NCOA1: variants seen among roughly 807,000 people sequenced by gnomAD.
NCOA1 encodes Hin-2 protein.
NCOA1 carries 35 observed loss-of-function variants against 150.9 expected under a neutral mutation model. That is an observed-to-expected ratio of 0.23 (90% CI 0.18 to 0.31). The LOEUF (loss-of-function observed/expected upper bound fraction) is 0.31, where lower values mean the gene tolerates loss of function less well. Among genes scored for constraint, NCOA1 ranks in the 10% least tolerant of loss-of-function variants. The probability of loss-of-function intolerance (pLI) is 1.00; values close to 1 mark genes in which losing one functional copy is unlikely to be tolerated. For missense variants in NCOA1, 1,491 were observed against 1,749.3 expected, an observed-to-expected ratio of 0.85 and a Z score of 2.63; for synonymous variants, 590 against 630.0, an observed-to-expected ratio of 0.94 and a Z score of 0.95.
At chr2:24,513,767 G>A (rs1664035675) in intron 1 of NCOA1, among the ~76,000 whole-genome samples, 1 of 152,088 alleles carries the variant, frequency 6.6e-6, no homozygotes, top group African/African-American at 2.4e-5. Flanking sequence ...CATTTCTAGT[G>A]TTTCATTTCT....
chr2:24,675,612 C>T (rs1216133703), intron 7 of NCOA1, among the ~76,000 whole-genome samples: 1 of 152,190 alleles, frequency 6.6e-6, no homozygotes, highest in African/African-American at 2.4e-5. Context: ...AGTCCGGGCG[C>T]GGTGCATCAC....
chr2:24,580,344 T>C (rs1667147613), intron 2 of NCOA1, among the ~76,000 whole-genome samples: 1 of 152,238 alleles, frequency 6.6e-6, no homozygotes, highest in Non-Finnish European at 1.5e-5. Flanking sequence ...GCCCACTTTC[T>C]TCTCTCCTTG....
chr2:24,691,648 G>C lies in NCOA1; in HGVS notation c.700G>C (p.Glu234Gln). The C allele has an allele frequency of 6.2e-7, 1 of 1,613,700 alleles. No homozygotes were observed. Among genetic ancestry groups the C allele is most frequent in the Non-Finnish European group, 8.5e-7 (1 of 1,179,804 alleles). ...TGTGTCACAGCCAAAATCAATTCAA[G>C]AGGATGGAGAAGGTAAAGCCAAACG... ...FTVSQPKSIQ[E>Q]DGEDFQSCLI... The change falls in exon 9 of 23, where the codon GAG becomes CAG. Residue 234 changes from glutamate to glutamine, a missense_variant. Coordinates refer to ENST00000348332, the MANE Select transcript of NCOA1 (RefSeq NM_003743.5).
chr2:24,497,671 C>CAA (rs200221675), intron 1 of NCOA1, among the ~76,000 whole-genome samples: 2 of 138,850 alleles, frequency 1.4e-5, no homozygotes, highest in African/African-American at 2.7e-5. Flanking sequence ...GACTCCATCT[C>CAA]AAAAAAAAAA....
chr2:24,693,965 A>C (rs1467587987), intron 10 of NCOA1, among the ~76,000 whole-genome samples: 2 of 152,186 alleles, frequency 1.3e-5, no homozygotes, highest in African/African-American at 4.8e-5. Context: ...CCAAAGGATG[A>C]AGTGGTGCCC....
chr2:24,531,229 C>T (rs1042230379), intron 1 of NCOA1, among the ~76,000 whole-genome samples: 3 of 152,058 alleles, frequency 2.0e-5, no homozygotes, highest in Non-Finnish European at 4.4e-5. Context: ...CCAGCAATCC[C>T]CCTTATGGTT....
At position 24,769,896 on chromosome 2, in the gene NCOA1, C is replaced by G. The variant is rs550985444; in HGVS notation, c.*1505C>G. 5.3e-5 allele frequency: 12 copies of G among 226,118 alleles called. No individual in the cohort carries two copies. In the South Asian group the frequency reaches 2.0e-3, roughly 38 times the overall value. 14.0% of individuals were successfully genotyped at this position (226,118 alleles called of 1,614,324 possible). A position where few individuals can be genotyped will look rare whatever the true frequency, so the allele number is the denominator to read the frequency against. ...GTGAATGATGACAGCACCTGACATT[C>G]TGCACCAGCTACCTCTGCCTCCATG... On this transcript the variant is annotated 3_prime_UTR_variant, in exon 23 of 23. Transcript: ENST00000348332.
intron 4 of NCOA1, among the ~76,000 whole-genome samples, chr2:24,648,173 G>A (rs1670559374): frequency 6.6e-6 from 1 of 151,842 alleles, no homozygotes; most frequent in African/African-American, 2.4e-5. Context: ...ATAAAATATT[G>A]CCGAATATAA....
Position 24,655,810 on chromosome 2 carries a change from C to T in NCOA1, c.-17-2851C>T, listed in dbSNP as rs532810092. ...TTGGAAATATTTAAGAAGTAATGGC[C>T]GGGCATGGTGGCTCACGCCTGTAAT... On this transcript the variant is annotated intron_variant, in intron 4 of 22. Coordinates refer to ENST00000348332, the MANE Select transcript of NCOA1 (RefSeq NM_003743.5). 1.2e-4 allele frequency among the ~76,000 whole-genome samples: 18 copies of T among 152,078 alleles called. No homozygotes were observed. The South Asian group carries it at 3.3e-3, about 28-fold the overall frequency.
Position 24,769,243 on chromosome 2 carries a change from C to T in NCOA1, c.*852C>T, listed in dbSNP as rs1665215715. The stretch of plus-strand genomic sequence containing the variant: ...TTAAAATAAAATTAAATTTATGATC[C>T]AAGTAGCTTATTTTTCCCTTTAAAT... On this transcript the variant is annotated 3_prime_UTR_variant, in exon 23 of 23. Coordinates refer to ENST00000348332, the MANE Select transcript of NCOA1 (RefSeq NM_003743.5). The T allele has an allele frequency of 2.1e-5, 4 of 189,118 alleles. No individual in the cohort carries two copies. In the South Asian group the frequency reaches 7.8e-4, roughly 37 times the overall value. The allele number at this position is 189,118 out of a possible 1,614,324, so 11.7% of individuals were successfully genotyped here. A position where few individuals can be genotyped will look rare whatever the true frequency, so the allele number is the denominator to read the frequency against.
rs375686767 is a variant in NCOA1, at chr2:24,614,181, T to C, written c.-175+29621T>C. On this transcript the variant is annotated intron_variant, in intron 3 of 22. Transcript: ENST00000348332. ...TTATTACTTGCTTTTCTGCCTATTG[T>C]ATCGATTCATTTCCATTCTTTTTTT... Among the ~76,000 whole-genome samples, 156 of 146,602 alleles carry C rather than the reference T, an allele frequency of 1.1e-3. 3 individuals carry two copies. The South Asian group carries it at 0.013, about 12-fold the overall frequency.
chr2:24,701,581 A>G (rs1347216584), intron 11 of NCOA1, among the ~76,000 whole-genome samples: 4 of 151,592 alleles, frequency 2.6e-5, no homozygotes, highest in African/African-American at 9.7e-5. Flanking sequence ...ATATCTTTCT[A>G]TTTATCCAAT....
chr2:24,525,468 A>G (rs947878406), intron 1 of NCOA1, among the ~76,000 whole-genome samples: 1 of 152,118 alleles, frequency 6.6e-6, no homozygotes, highest in South Asian at 2.1e-4. Flanking sequence ...CTGGTTATTT[A>G]TTTGATCTCA....
chr2:24,510,167 A>G (rs766794173), intron 1 of NCOA1, among the ~76,000 whole-genome samples: 3 of 152,182 alleles, frequency 2.0e-5, no homozygotes, highest in Non-Finnish European at 2.9e-5. Flanking sequence ...CTCCTGCCTC[A>G]GCCTCCCCAG....
intron 14 of NCOA1, among the ~76,000 whole-genome samples, chr2:24,724,534 G>A (rs987988546): frequency 5.3e-5 from 8 of 152,024 alleles, no homozygotes; most frequent in African/African-American, 1.9e-4. Flanking sequence ...AATTTTATTA[G>A]TATGGGGATT....
At chr2:24,614,263 G>A (rs1361595981) in intron 3 of NCOA1, among the ~76,000 whole-genome samples, 1 of 89,854 alleles carries the variant, frequency 1.1e-5, no homozygotes, top group Non-Finnish European at 2.3e-5. Flanking sequence ...ATCCAGGCTG[G>A]AGTACAGTGG....
chr2:24,692,225 A>G (rs190042979), intron 9 of NCOA1, among the ~76,000 whole-genome samples: 111 of 152,310 alleles, frequency 7.3e-4, no homozygotes, highest in South Asian at 1.4e-3. Flanking sequence ...GAAAATCACA[A>G]ATTGGGAACT....
rs1037329010 is a variant in NCOA1 at position 24,770,556 on chromosome 2, T to C, written c.*2165T>C. On this transcript the variant is annotated 3_prime_UTR_variant, in exon 23 of 23. Coordinates refer to ENST00000348332, the MANE Select transcript of NCOA1 (RefSeq NM_003743.5). ...CTGTCATTCCACAGGAAATTCACTT[T>C]TCCAGCTACTGAATAGAATTTGTTT... 1.9e-4 allele frequency: 40 copies of C among 215,732 alleles called. No homozygotes were observed. Among genetic ancestry groups the C allele is most frequent in the Non-Finnish European group, 1.8e-4 (19 of 106,776 alleles). The allele number at this position is 215,732 out of a possible 1,614,324, so 13.4% of individuals were successfully genotyped here. A position where few individuals can be genotyped will look rare whatever the true frequency, so the allele number is the denominator to read the frequency against.
intron 3 of NCOA1, among the ~76,000 whole-genome samples, chr2:24,640,628 C>T (rs1670171531): frequency 6.6e-6 from 1 of 152,102 alleles, no homozygotes; most frequent in Non-Finnish European, 1.5e-5. Context: ...GGCAAGACCC[C>T]ATCTCTAAAA....
Sources: gnomAD v4.1 joint callset for allele counts (sites outside exome capture counted in the v4.1 genomes callset) on GRCh38, gnomAD v4.1.1 for gene constraint, MANE v1.5 for transcripts, NCBI Gene and HGNC (gene_info 2026-07-23, HGNC 2026-07-21) for gene names.